TRPC4: variants seen among roughly 807,000 people sequenced by gnomAD.
TRPC4 encodes transient receptor potential cation channel subfamily C member 4, also known as short transient receptor potential channel 4.
A neutral mutation model predicts 99.4 loss-of-function variants in TRPC4; 49 were observed. That is an observed-to-expected ratio of 0.49 (90% CI 0.39 to 0.63). The LOEUF (loss-of-function observed/expected upper bound fraction) is 0.63. Ranked by LOEUF, TRPC4 falls within the 20% of genes least tolerant of loss-of-function variation. The pLI is 0.00. For synonymous variants in TRPC4, 454 were observed against 425.9 expected (o/e 1.07, Z -0.81); for missense variants, 898 against 1,152.9 (o/e 0.78, Z 3.20).
intron 5 of TRPC4, among the ~76,000 whole-genome samples, chr13:37,665,720 C>T (rs745866199): frequency 1.3e-5 from 2 of 151,150 alleles, no homozygotes; most frequent in Non-Finnish European, 2.9e-5. Flanking sequence ...CTATGCATTG[C>T]TTTAGGTTTA....
chr13:37,748,513 G>A (rs1327920250), intron 2 of TRPC4, among the ~76,000 whole-genome samples: 1 of 151,870 alleles, frequency 6.6e-6, no homozygotes, highest in Non-Finnish European at 1.5e-5. Flanking sequence ...AAGTATTAAA[G>A]AGAGATATAG....
intron 3 of TRPC4, among the ~76,000 whole-genome samples, chr13:37,703,338 TACA>T (rs1432329170): frequency 6.6e-6 from 1 of 152,126 alleles, no homozygotes; most frequent in Non-Finnish European, 1.5e-5. Context: ...TGATAAGTGG[TACA>T]ACGTCTACCT....
At chr13:37,854,207 G>A (rs1959128012) in intron 1 of TRPC4, among the ~76,000 whole-genome samples, 1 of 152,108 alleles carries the variant, frequency 6.6e-6, no homozygotes, top group Non-Finnish European at 1.5e-5. Context: ...ACATACATGT[G>A]AGTCCCAGTA....
chr13:37,855,410 G>A (rs959441320), intron 1 of TRPC4, among the ~76,000 whole-genome samples: 2 of 150,140 alleles, frequency 1.3e-5, no homozygotes, highest in African/African-American at 4.9e-5. Flanking sequence ...TAAAGAGATA[G>A]ATAGACCTCA....
intron 3 of TRPC4, among the ~76,000 whole-genome samples, chr13:37,718,613 T>C (rs74049742): frequency 0.041 from 6,279 of 151,888 alleles, 354 homozygotes; most frequent in African/African-American, 0.13. Flanking sequence ...AGTTCAGAAC[T>C]GAAAATAAAA....
At chr13:37,788,557 C>T (rs1310021217) in intron 1 of TRPC4, among the ~76,000 whole-genome samples, 1 of 151,198 alleles carries the variant, frequency 6.6e-6, no homozygotes, top group Admixed American at 6.6e-5. Flanking sequence ...CTGCCTTGGG[C>T]TCCCTGCCAG....
chr13:37,712,697 A>C (rs1296701230), intron 3 of TRPC4, among the ~76,000 whole-genome samples: 1 of 152,090 alleles, frequency 6.6e-6, no homozygotes, highest in African/African-American at 2.4e-5. Flanking sequence ...GGCTTGAGAG[A>C]GGTTCTGCCA....
At chr13:37,834,384 T>G (rs1480995158) in intron 1 of TRPC4, among the ~76,000 whole-genome samples, 1 of 152,238 alleles carries the variant, frequency 6.6e-6, no homozygotes, top group African/African-American at 2.4e-5. Context: ...AGTTCCTACT[T>G]AATACATTAA....
rs543986529 is a variant in TRPC4 at position 37,831,809 on chromosome 13, G to A, written c.-28+37786C>T. Reference sequence around the variant, plus strand: ...AGAGAGACAAATACTTGCATGATCTGACTTATAGCTGGAACCTGAAAAAGT... The same window carrying A: ...AGAGAGACAAATACTTGCATGATCTAACTTATAGCTGGAACCTGAAAAAGT... On this transcript the variant is annotated intron_variant, in intron 1 of 10. Transcript: ENST00000379705. 2.6e-5 allele frequency among the ~76,000 whole-genome samples: 4 copies of A among 152,272 alleles called. No homozygotes were observed. In the South Asian group the frequency reaches 8.3e-4, roughly 32 times the overall value.
In TRPC4 at chr13:37,637,228, TCTTCTGAAACAG is replaced by T; in HGVS notation, c.2597_2608del (p.Ser866_Glu870delinsTer). Reference sequence around the variant, plus strand: ...TCCTGCAGCCTGTTGACGAGCAACTTCTTCTGAAACAGAGAAGATTTGGTTTGCATTTTGCTC... The same window carrying T: ...TCCTGCAGCCTGTTGACGAGCAACTTAGAAGATTTGGTTTGCATTTTGCTC... On this transcript the variant is annotated stop_gained and inframe_deletion, in exon 11 of 11. Transcript: ENST00000379705. LOFTEE classifies it high-confidence loss of function. 1 of 1,613,886 alleles carries T rather than the reference TCTTCTGAAACAG, an allele frequency of 6.2e-7. No individual in the cohort carries two copies. The highest frequency in any genetic ancestry group is 8.5e-7 in the Non-Finnish European group (1 of 1,179,828).
At chr13:37,805,276 T>C (rs9576356) in intron 1 of TRPC4, among the ~76,000 whole-genome samples, 43,951 of 151,782 alleles carry the variant, frequency 0.29, 6,572 homozygotes, top group East Asian at 0.43. Context: ...ATTTTTGCAA[T>C]GCAAATACGC....
At chr13:37,857,318 C>T (rs1959182496) in intron 1 of TRPC4, among the ~76,000 whole-genome samples, 1 of 151,470 alleles carries the variant, frequency 6.6e-6, no homozygotes, top group Non-Finnish European at 1.5e-5. Flanking sequence ...TTGGAAGAAT[C>T]AATACTGGTA....
intron 7 of TRPC4, 60 bp from the exon 8 acceptor site, chr13:37,651,519 C>G: frequency 2.7e-6 from 4 of 1,495,270 alleles, no homozygotes; most frequent in Non-Finnish European, 3.7e-6. Flanking sequence ...TACCATAAAT[C>G]TCACAGAGAT....
intron 10 of TRPC4, 93 bp from the exon 11 acceptor site, chr13:37,637,718 C>T (rs1357231205): frequency 7.9e-7 from 1 of 1,267,710 alleles, no homozygotes; most frequent in African/African-American, 1.5e-5. Context: ...AATGTTTTCA[C>T]TCCTTTTTAA....
intron 2 of TRPC4, among the ~76,000 whole-genome samples, chr13:37,759,630 G>A (rs760365577): frequency 6.6e-6 from 1 of 151,480 alleles, no homozygotes; most frequent in Non-Finnish European, 1.5e-5. Flanking sequence ...AAGAAATGAT[G>A]ATTTTTCTCA....
At chr13:37,677,506 C>A (rs1953100052) in intron 4 of TRPC4, among the ~76,000 whole-genome samples, 1 of 151,814 alleles carries the variant, frequency 6.6e-6, no homozygotes, top group African/African-American at 2.4e-5. Context: ...GCTCCCGTGG[C>A]TACATTAATA....
chr13:37,830,600 T>C (rs1474458380), intron 1 of TRPC4, among the ~76,000 whole-genome samples: 1 of 151,150 alleles, frequency 6.6e-6, no homozygotes, highest in Admixed American at 6.6e-5. Flanking sequence ...TAATCCCAGA[T>C]ACTCAGGAGG....
At chr13:37,672,986 T>G (rs1004512187) in intron 5 of TRPC4, among the ~76,000 whole-genome samples, 1 of 152,090 alleles carries the variant, frequency 6.6e-6, no homozygotes, top group African/African-American at 2.4e-5. Context: ...AGGGTACATG[T>G]GCACAACGTG....
intron 1 of TRPC4, among the ~76,000 whole-genome samples, chr13:37,787,822 A>T (rs1356232049): frequency 1.3e-5 from 2 of 152,096 alleles, no homozygotes; most frequent in African/African-American, 4.8e-5. Flanking sequence ...TCAAGATTAT[A>T]CTTATTTTCA....
Sources: allele counts gnomAD v4.1 joint callset (sites outside exome capture counted in the v4.1 genomes callset), GRCh38; gene constraint gnomAD v4.1.1; transcripts MANE v1.5; gene names NCBI Gene and HGNC (gene_info 2026-07-23, HGNC 2026-07-21).